The following WIPF1 variants were observed in gnomAD, a reference collection of about 807,000 sequenced individuals.
WIPF1 encodes WAS/WASL-interacting protein family member 1.
In WIPF1, 13 loss-of-function variants were observed where a neutral mutation model predicts 35.4. That is an observed-to-expected ratio of 0.37 (90% confidence interval 0.24 to 0.58). The LOEUF is 0.58. Among genes scored for constraint, WIPF1 ranks in the 20% least tolerant of loss-of-function variants. WIPF1 has a pLI of 0.74. For missense variants in WIPF1, 591 were observed against 667.0 expected, an observed-to-expected ratio of 0.89 and a Z score of 1.25; for synonymous variants, 267 against 266.3, an observed-to-expected ratio of 1.00 and a Z score of -0.02.
At chr2:174,580,315 T>TC (rs1685195042) in intron 3 of WIPF1, among the ~76,000 whole-genome samples, 1 of 152,180 alleles carries the variant, frequency 6.6e-6, no homozygotes. Context: ...AGAACAACAT[T>TC]CAAAGGCCTT....
intron 1 of WIPF1, among the ~76,000 whole-genome samples, chr2:174,654,277 G>A (rs1272884962): frequency 3.3e-5 from 5 of 152,150 alleles, no homozygotes; most frequent in African/African-American, 9.7e-5. Flanking sequence ...CTTGGGAATA[G>A]ACAACAAAGT....
chr2:174,680,480 T>C (rs952379017), intron 1 of WIPF1, among the ~76,000 whole-genome samples: 13 of 152,206 alleles, frequency 8.5e-5, no homozygotes, highest in Admixed American at 5.2e-4. Flanking sequence ...ACCACAGCCC[T>C]GGGAGGTAAA....
intron 1 of WIPF1, among the ~76,000 whole-genome samples, chr2:174,588,187 G>C (rs1362244948): frequency 1.3e-5 from 2 of 152,214 alleles, no homozygotes; most frequent in Non-Finnish European, 2.9e-5. Context: ...TCAGAGTTGG[G>C]AAAGGCTTAC....
intron 1 of WIPF1, among the ~76,000 whole-genome samples, chr2:174,628,000 G>T (rs2105926824): frequency 6.6e-6 from 1 of 152,234 alleles, no homozygotes; most frequent in Non-Finnish European, 1.5e-5. Flanking sequence ...CCTAAGAGTG[G>T]CATTCTTGGG....
At chr2:174,593,479 C>T (rs745936918) in intron 1 of WIPF1, among the ~76,000 whole-genome samples, 6 of 152,174 alleles carry the variant, frequency 3.9e-5, no homozygotes, top group African/African-American at 7.2e-5. Context: ...GCTGCTAAGA[C>T]GGTGAATTTT....
chr2:174,634,815 A>T (rs1381984032), intron 1 of WIPF1, among the ~76,000 whole-genome samples: 1 of 152,080 alleles, frequency 6.6e-6, no homozygotes, highest in Non-Finnish European at 1.5e-5. Flanking sequence ...GGCACTCCTG[A>T]CTCCAAAGGA....
Position 174,560,720 on chromosome 2 carries a change from A to G in WIPF1, c.*1827T>C, listed in dbSNP as rs1162352411. ...GGAAACACAGGTTCTCTAATGTACT[A>G]AATCAGGACTTTGGCAAGGAAGTTA... On this transcript the variant is annotated 3_prime_UTR_variant, in exon 8 of 8. Transcript: ENST00000679041. The G allele has an allele frequency of 6.6e-6, 1 of 152,642 alleles. No homozygotes were observed. Among genetic ancestry groups the G allele is most frequent in the Non-Finnish European group, 1.5e-5 (1 of 68,032 alleles). The allele number at this position is 152,642 out of a possible 1,614,324, so 9.5% of individuals were successfully genotyped here. A position where few individuals can be genotyped will look rare whatever the true frequency, so the allele number is the denominator to read the frequency against.
At chr2:174,600,128 T>C (rs1031733096), upstream of WIPF1, among the ~76,000 whole-genome samples, 1 of 152,182 alleles carries the variant, frequency 6.6e-6, no homozygotes, top group African/African-American at 2.4e-5. Context: ...CACCAGCTGC[T>C]CACTTCCTGC....
intron 3 of WIPF1, among the ~76,000 whole-genome samples, chr2:174,576,237 A>AG: frequency 6.6e-6 from 1 of 151,680 alleles, no homozygotes; most frequent in East Asian, 1.9e-4. Context: ...CAGCAAAAAA[A>AG]AAAAAAAAAA....
chr2:174,632,709 C>CAAAAAAAAA (rs71024821), intron 1 of WIPF1, among the ~76,000 whole-genome samples: 1 of 68,892 alleles, frequency 1.5e-5, no homozygotes, highest in African/African-American at 6.1e-5. Context: ...AACTCCATCT[C>CAAAAAAAAA]AAAAAAAAAA....
rs1033380200 is a variant in WIPF1 at position 174,567,288 on chromosome 2, T to C, written c.1343-105A>G. 5 of 1,067,852 alleles carry C rather than the reference T, an allele frequency of 4.7e-6. No homozygotes were observed. The Admixed American group carries it at 9.2e-5, about 20-fold the overall frequency. 66.1% of individuals were successfully genotyped at this position (1,067,852 alleles called of 1,614,324 possible). ...AGAGAGAGAGAACCACAGACATCAG[T>C]GCTAGTTTTTATGCCTAGAAGTTTA... On this transcript the variant is annotated intron_variant, in intron 6 of 7. Coordinates refer to ENST00000679041, the MANE Select transcript of WIPF1 (RefSeq NM_001375834.1).
chr2:174,579,265 C>T (rs1685162292), intron 3 of WIPF1, among the ~76,000 whole-genome samples: 1 of 152,206 alleles, frequency 6.6e-6, no homozygotes, highest in Admixed American at 6.5e-5. Context: ...CTCAGCCTCC[C>T]AAAGTGCTGG....
At chr2:174,593,376 C>G (rs910367340) in intron 1 of WIPF1, among the ~76,000 whole-genome samples, 2 of 152,126 alleles carry the variant, frequency 1.3e-5, no homozygotes, top group African/African-American at 4.8e-5. Context: ...TTATTACAAC[C>G]ATAAAAAATA....
At chr2:174,592,650 G>A (rs1685656738) in intron 1 of WIPF1, among the ~76,000 whole-genome samples, 1 of 147,918 alleles carries the variant, frequency 6.8e-6, no homozygotes, top group South Asian at 2.1e-4. Context: ...CTGTTGCCCA[G>A]GCTGGAGTGC....
intron 1 of WIPF1, among the ~76,000 whole-genome samples, chr2:174,623,957 G>C (rs1478863450): frequency 6.6e-6 from 1 of 152,102 alleles, no homozygotes; most frequent in Non-Finnish European, 1.5e-5. Context: ...GATGGGCACA[G>C]GGATTCCTCA....
intron 1 of WIPF1, among the ~76,000 whole-genome samples, chr2:174,631,873 G>T (rs1687031833): frequency 6.6e-6 from 1 of 152,080 alleles, no homozygotes; most frequent in Non-Finnish European, 1.5e-5. Flanking sequence ...CTGAAACCAG[G>T]GTCACTCAGA....
At chr2:174,615,428 A>G (rs1686477720) in intron 1 of WIPF1, among the ~76,000 whole-genome samples, 1 of 152,178 alleles carries the variant, frequency 6.6e-6, no homozygotes, top group African/African-American at 2.4e-5. Context: ...TATTTTCCTT[A>G]GTGTAGGCAT....
intron 2 of WIPF1, among the ~76,000 whole-genome samples, chr2:174,583,463 G>A (rs1269164993): frequency 6.6e-6 from 1 of 152,136 alleles, no homozygotes; most frequent in Non-Finnish European, 1.5e-5. Flanking sequence ...CTTCTCTCAT[G>A]TTCAGGGCCC....
At chr2:174,574,958 A>AAC (rs1684997059) in intron 4 of WIPF1, 2 of 733,338 alleles carry the variant, frequency 2.7e-6, no homozygotes, top group Non-Finnish European at 5.0e-6. Context: ...AAAAGTAAAA[A>AAC]AAAAAAAATG....
Sources: gnomAD v4.1 joint callset for allele counts (sites outside exome capture counted in the v4.1 genomes callset) on GRCh38, gnomAD v4.1.1 for gene constraint, MANE v1.5 for transcripts, NCBI Gene and HGNC (gene_info 2026-07-23, HGNC 2026-07-21) for gene names.